Variants in RASAL2 observed in about 807,000 individuals in gnomAD.
The protein encoded by RASAL2 is RAS protein activator like 2.
Under a neutral mutation model 128.9 loss-of-function variants are expected in RASAL2, and 58 were observed. The ratio of observed to expected loss-of-function variants is 0.45; its 90% CI spans 0.36 to 0.56. The LOEUF (loss-of-function observed/expected upper bound fraction) is 0.56, where lower values mean the gene tolerates loss of function less well. Ranked by LOEUF, RASAL2 falls within the 20% of genes least tolerant of loss-of-function variation. The probability of loss-of-function intolerance (pLI) is 0.00; values close to 1 mark genes in which losing one functional copy is unlikely to be tolerated. For missense variants in RASAL2, 1,360 were observed against 1,601.6 expected (o/e 0.85, Z 2.57); for synonymous variants, 561 against 580.8 (o/e 0.97, Z 0.49).
rs767167850 is a variant in RASAL2, at chr1:178,094,513, C to T, written c.21C>T (p.Ser7=). ...GCACCATGGAGCTCTCTCCGTCGTCCGGAGGAGCCGCGGAGGCGCTGTCCT... is the reference window on the plus strand; with the variant it reads ...GCACCATGGAGCTCTCTCCGTCGTCTGGAGGAGCCGCGGAGGCGCTGTCCT... MELSPS[S]GGAAEALSWP... The change falls in exon 1 of 18, where the codon TCC becomes TCT. Residue 7 remains serine (S), a synonymous_variant. Transcript: ENST00000367649. 11 of 1,563,158 alleles carry T rather than the reference C, an allele frequency of 7.0e-6. No homozygotes were observed. Among genetic ancestry groups the T allele is most frequent in the African/African-American group, 1.4e-5 (1 of 73,650 alleles).
rs147504463 is a variant in RASAL2, at chr1:178,442,980, A to G, written c.1233A>G (p.Val411=). Residue 411 remains valine, a synonymous_variant, in exon 8 of 18, where the codon GTA becomes GTG. Transcript: ENST00000367649. ...CCAGTGTGACTGGTCGCCAATTTGT[A>G]GAAAAGTGGTATCCAGTGAGTACAC... ...PTASVTGRQF[V]EKWYPVSTPT... 5.0e-6 allele frequency: 8 copies of G among 1,613,948 alleles called. No homozygotes were observed. In the African/African-American group the frequency reaches 8.0e-5, roughly 16 times the overall value.
chr1:178,388,898 G>A (rs1672735489), intron 3 of RASAL2, among the ~76,000 whole-genome samples: 1 of 152,228 alleles, frequency 6.6e-6, no homozygotes, highest in Non-Finnish European at 1.5e-5. Context: ...TAATGAGGAT[G>A]TGCAGTCAGA....
intron 6 of RASAL2, among the ~76,000 whole-genome samples, 200 bp from the exon 7 acceptor site, chr1:178,441,349 C>A (rs546021751): frequency 5.2e-4 from 79 of 152,240 alleles, no homozygotes; most frequent in African/African-American, 1.8e-3. Context: ...AAGGATGTCG[C>A]TCATTAGGTT....
At chr1:178,332,292 A>G (rs1669360166) in intron 3 of RASAL2, among the ~76,000 whole-genome samples, 1 of 152,000 alleles carries the variant, frequency 6.6e-6, no homozygotes, top group Non-Finnish European at 1.5e-5. Context: ...CCTGAGGGTC[A>G]GGAGTTCAAG....
intron 3 of RASAL2, among the ~76,000 whole-genome samples, chr1:178,365,735 A>C (rs1367906350): frequency 6.6e-6 from 1 of 152,158 alleles, no homozygotes; most frequent in African/African-American, 2.4e-5. Flanking sequence ...AGCCTCCCAC[A>C]GTGCTGGGAT....
intron 3 of RASAL2, among the ~76,000 whole-genome samples, chr1:178,348,508 A>G (rs2102427574): frequency 6.6e-6 from 1 of 152,256 alleles, no homozygotes; most frequent in African/African-American, 2.4e-5. Flanking sequence ...TATCTTGCCC[A>G]AACTGGTCTT....
intron 1 of RASAL2, among the ~76,000 whole-genome samples, chr1:178,224,589 G>A (rs1020738094): frequency 6.6e-6 from 1 of 152,068 alleles, no homozygotes; most frequent in Non-Finnish European, 1.5e-5. Context: ...ATATAAATGA[G>A]TTCTATTTTT....
At position 178,478,138 on chromosome 1, in the gene RASAL2, C is replaced by G. The variant is rs1353824457; in HGVS notation, c.*4899C>G. ...TCCACTTAAATACCCTCATTTGACC[C>G]TAGGAAGTTTTTTGTTTTTTTTTTT... On this transcript the variant is annotated 3_prime_UTR_variant, in exon 18 of 18. Coordinates refer to ENST00000367649, the MANE Select transcript of RASAL2 (RefSeq NM_170692.4). 1 of 151,942 alleles carries G rather than the reference C, an allele frequency of 6.6e-6. No homozygotes were observed. Among genetic ancestry groups the G allele is most frequent in the Non-Finnish European group, 1.5e-5 (1 of 67,966 alleles). The allele number at this position is 151,942 out of a possible 1,614,324, so 9.4% of individuals were successfully genotyped here.
At chr1:178,157,359 G>A (rs1661118878) in intron 1 of RASAL2, among the ~76,000 whole-genome samples, 1 of 152,170 alleles carries the variant, frequency 6.6e-6, no homozygotes, top group South Asian at 2.1e-4. Flanking sequence ...CCAGAGCTTG[G>A]AATTTGTTTA....
rs201177223 is a variant in RASAL2, at chr1:178,265,204, A to G, written c.203-18360A>G. ...ATAACTCACATTTGGCCTTGTTCAA[A>G]TGTTCAAATGGAACTATATAGTCAT... On this transcript the variant is annotated intron_variant, in intron 1 of 17. Coordinates refer to ENST00000367649, the MANE Select transcript of RASAL2 (RefSeq NM_170692.4). 7.2e-5 allele frequency among the ~76,000 whole-genome samples: 11 copies of G among 152,274 alleles called. No homozygotes were observed. The East Asian group carries it at 2.1e-3, about 29-fold the overall frequency.
chr1:178,438,102 T>TTGTGTGTGTGTGTGTGTGTG (rs58641965), intron 5 of RASAL2, among the ~76,000 whole-genome samples: 2 of 142,056 alleles, frequency 1.4e-5, no homozygotes, highest in Non-Finnish European at 1.5e-5. Flanking sequence ...AAATGGTGGC[T>TTGTGTGTGTGTGTGTGTGTG]TGTGTGTGTG....
At position 178,283,465 on chromosome 1, in the gene RASAL2, C is replaced by T. The variant is rs1666877862; in HGVS notation, c.203-99C>T. 5 of 1,410,512 alleles carry T rather than the reference C, an allele frequency of 3.5e-6. No homozygotes were observed. In the African/African-American group the frequency reaches 5.8e-5, roughly 16 times the overall value. The allele number at this position is 1,410,512 out of a possible 1,614,324, so 87.4% of individuals were successfully genotyped here. On this transcript the variant is annotated intron_variant, in intron 1 of 17. Coordinates refer to ENST00000367649, the MANE Select transcript of RASAL2 (RefSeq NM_170692.4). ...TACCATTGAGATTCGTGTTTAGGCT[C>T]ACCTCTTTATTTGATTTGGAAGAAT...
At chr1:178,223,118 C>T (rs1663666396) in intron 1 of RASAL2, among the ~76,000 whole-genome samples, 1 of 152,094 alleles carries the variant, frequency 6.6e-6, no homozygotes, top group South Asian at 2.1e-4. Flanking sequence ...TTAGATCTCT[C>T]TCTTTTTATT....
At chr1:178,145,554 C>CCA (rs1553253933) in intron 1 of RASAL2, among the ~76,000 whole-genome samples, 5 of 123,924 alleles carry the variant, frequency 4.0e-5, no homozygotes, top group Non-Finnish European at 6.4e-5. Context: ...GTGACTTTGA[C>CCA]AAAAAAAAAA....
At chr1:178,117,292 G>A (rs150199320) in intron 1 of RASAL2, among the ~76,000 whole-genome samples, 1 of 152,266 alleles carries the variant, frequency 6.6e-6, no homozygotes, top group East Asian at 1.9e-4. Flanking sequence ...TCAATCAGGT[G>A]CAGTTTCTGA....
intron 14 of RASAL2, among the ~76,000 whole-genome samples, chr1:178,459,540 C>A (rs990932834): frequency 6.6e-6 from 1 of 152,040 alleles, no homozygotes; most frequent in Admixed American, 6.6e-5. Context: ...GCAATAAAAT[C>A]CTAGTTTGTA....
intron 4 of RASAL2, among the ~76,000 whole-genome samples, chr1:178,409,383 T>C (rs930167794): frequency 6.6e-6 from 1 of 152,036 alleles, no homozygotes; most frequent in African/African-American, 2.4e-5. Context: ...TAAAGCACAG[T>C]GGAGGGGCAC....
chr1:178,396,268 A>G (rs1673220859), intron 4 of RASAL2, among the ~76,000 whole-genome samples: 2 of 152,140 alleles, frequency 1.3e-5, no homozygotes, highest in African/African-American at 4.8e-5. Flanking sequence ...GGGCTGTTTG[A>G]GAGAGAGGAT....
intron 3 of RASAL2, among the ~76,000 whole-genome samples, chr1:178,374,943 G>A (rs1671907581): frequency 6.6e-6 from 1 of 152,154 alleles, no homozygotes; most frequent in Non-Finnish European, 1.5e-5. Context: ...AGCTGCTTGT[G>A]AGAGGCATAG....
Sources: allele counts gnomAD v4.1 joint callset (sites outside exome capture counted in the v4.1 genomes callset), GRCh38; gene constraint gnomAD v4.1.1; transcripts MANE v1.5; gene names NCBI Gene and HGNC (gene_info 2026-07-23, HGNC 2026-07-21).